CCDC171: variants seen among roughly 807,000 people sequenced by gnomAD.
The protein encoded by CCDC171 is coiled-coil domain containing 171.
CCDC171 carries 177 observed loss-of-function variants against 168.2 expected under a neutral mutation model. The observed-to-expected ratio is 1.05, with a 90% CI of 0.93 to 1.19. CCDC171 has a LOEUF of 1.19. Among genes scored for constraint, CCDC171 ranks in the 50% most tolerant of loss-of-function variants. The pLI, the probability that CCDC171 is intolerant of heterozygous loss-of-function variation, is 0.00. For synonymous variants in CCDC171, 687 were observed against 540.8 expected (o/e 1.27, Z -3.75); for missense variants, 1,991 against 1,539.0 (o/e 1.29, Z -4.91).
At chr9:15,677,229 T>G (rs1204347347) in intron 9 of CCDC171, among the ~76,000 whole-genome samples, 1 of 152,178 alleles carries the variant, frequency 6.6e-6, no homozygotes, top group Non-Finnish European at 1.5e-5. Flanking sequence ...CTACTTAGAC[T>G]CATTTTTATA....
Position 15,640,120 on chromosome 9 carries a change from A to T in CCDC171, c.822+16707A>T, listed in dbSNP as rs568710063. 2.0e-3 allele frequency among the ~76,000 whole-genome samples: 309 copies of T among 152,264 alleles called. 1 individual carries two copies. The highest frequency in any genetic ancestry group is 3.5e-3 in the Non-Finnish European group (235 of 67,992). On this transcript the variant is annotated intron_variant, in intron 7 of 25. Coordinates refer to ENST00000380701, the MANE Select transcript of CCDC171 (RefSeq NM_173550.4). Reference sequence around the variant, plus strand: ...GATCATCATGAAAAGTTATAAACCTATTCATTTGTTTTTAATAATCTTTTG... The same window carrying T: ...GATCATCATGAAAAGTTATAAACCTTTTCATTTGTTTTTAATAATCTTTTG...
chr9:15,711,255 T>G (rs2052641631), intron 11 of CCDC171, among the ~76,000 whole-genome samples: 1 of 152,228 alleles, frequency 6.6e-6, no homozygotes, highest in Admixed American at 6.5e-5. Flanking sequence ...ATTGAAGGCT[T>G]GATTAAGGCT....
chr9:16,028,999 G>T (rs952443301), intron 6 of CCDC171, among the ~76,000 whole-genome samples: 3 of 152,088 alleles, frequency 2.0e-5, no homozygotes, highest in Non-Finnish European at 4.4e-5. Context: ...CTGGTAAAAA[G>T]CCTTGAGCAT....
chr9:15,928,306 A>G (rs1281028222), intron 25 of CCDC171, among the ~76,000 whole-genome samples: 2 of 151,722 alleles, frequency 1.3e-5, no homozygotes, highest in African/African-American at 4.8e-5. Flanking sequence ...TGCCTGGGGA[A>G]TTGAAATCTC....
intron 24 of CCDC171, among the ~76,000 whole-genome samples, chr9:15,915,446 G>T (rs1824365000): frequency 6.6e-6 from 1 of 151,930 alleles, no homozygotes; most frequent in Non-Finnish European, 1.5e-5. Context: ...TGGAAATGCT[G>T]CTGATTTGTG....
chr9:15,807,376 T>C (rs972476192), intron 21 of CCDC171, among the ~76,000 whole-genome samples: 1 of 152,238 alleles, frequency 6.6e-6, no homozygotes, highest in Non-Finnish European at 1.5e-5. Context: ...GTGTTGCTTC[T>C]TTTATAGAGT....
Position 15,920,418 on chromosome 9 carries a change from A to G in CCDC171, c.3749A>G (p.Gln1250Arg), listed in dbSNP as rs776588785. The G allele has an allele frequency of 2.5e-5, 40 of 1,602,858 alleles. No homozygotes were observed. Among genetic ancestry groups the G allele is most frequent in the Non-Finnish European group, 3.4e-5 (40 of 1,172,812 alleles). Residue 1250 changes from glutamine to arginine, a missense_variant, in exon 25 of 26, where the codon CAA becomes CGA. Transcript: ENST00000380701. ...TGTTTACGTGAAAATGCAAGTTTACAATCAGTAAGTCCTTGTCTAACAATA... is the reference window on the plus strand; with the variant it reads ...TGTTTACGTGAAAATGCAAGTTTACGATCAGTAAGTCCTTGTCTAACAATA... ...TACLRENASL[Q>R]SIGSRDHSNL... is the part of the protein sequence containing the mutation.
the CCDC171 span, among the ~76,000 whole-genome samples, chr9:16,080,939 C>A: frequency 6.6e-6 from 1 of 152,114 alleles, no homozygotes; most frequent in Admixed American, 6.5e-5. Context: ...TTTTATAGTT[C>A]TCTAACAAGC....
intron 11 of CCDC171, among the ~76,000 whole-genome samples, chr9:15,712,866 C>T (rs534529637): frequency 6.6e-6 from 1 of 152,274 alleles, no homozygotes; most frequent in Non-Finnish European, 1.5e-5. Flanking sequence ...GCTGCTATGA[C>T]TCTTTTGTTC....
intron 18 of CCDC171, among the ~76,000 whole-genome samples, chr9:15,750,805 A>C (rs181374208): frequency 3.5e-4 from 53 of 152,274 alleles, no homozygotes; most frequent in African/African-American, 1.2e-3. Flanking sequence ...GTTTATGACA[A>C]ACCCACAGCC....
intron 10 of CCDC171, among the ~76,000 whole-genome samples, chr9:15,692,715 G>C (rs1009574574): frequency 2.0e-5 from 3 of 151,636 alleles, no homozygotes; most frequent in African/African-American, 7.2e-5. Flanking sequence ...ATTTAGTAGA[G>C]ACGGGGTTTC....
intron 21 of CCDC171, among the ~76,000 whole-genome samples, chr9:15,838,415 A>G (rs1049377338): frequency 1.3e-5 from 2 of 152,202 alleles, no homozygotes; most frequent in African/African-American, 4.8e-5. Flanking sequence ...TAGTTTATAT[A>G]TATGATTCCC....
intron 6 of CCDC171, among the ~76,000 whole-genome samples, chr9:16,026,936 G>C (rs2133034253): frequency 6.6e-6 from 1 of 152,300 alleles, no homozygotes; most frequent in Non-Finnish European, 1.5e-5. Flanking sequence ...AGTTTACTCA[G>C]TCTTTATAAT....
At chr9:15,580,036 A>G (rs1001038821) in intron 4 of CCDC171, among the ~76,000 whole-genome samples, 1 of 152,180 alleles carries the variant, frequency 6.6e-6, no homozygotes, top group Non-Finnish European at 1.5e-5. Flanking sequence ...AGACTAATGG[A>G]ACAGAACAGA....
chr9:16,075,887 G>A, the CCDC171 span, among the ~76,000 whole-genome samples: 3 of 152,208 alleles, frequency 2.0e-5, no homozygotes, highest in Admixed American at 2.0e-4. Context: ...GCATAGCATA[G>A]CATAGCATAG....
intron 3 of CCDC171, among the ~76,000 whole-genome samples, chr9:15,996,425 T>C (rs1376284454): frequency 6.7e-6 from 1 of 148,374 alleles, no homozygotes; most frequent in East Asian, 2.0e-4. Context: ...CTCTTTTTTT[T>C]TTTTTTTTTT....
At chr9:15,588,776 CG>C (rs1241728199) in intron 4 of CCDC171, among the ~76,000 whole-genome samples, 2 of 149,024 alleles carry the variant, frequency 1.3e-5, no homozygotes, top group East Asian at 3.9e-4. Context: ...GGCACGACCT[CG>C]GCTCACTGCA....
chr9:15,947,205 A>G (rs941885912), intron 25 of CCDC171, among the ~76,000 whole-genome samples: 2 of 152,022 alleles, frequency 1.3e-5, no homozygotes, highest in Non-Finnish European at 2.9e-5. Context: ...AGTTGCATAT[A>G]TATCATAGAA....
At chr9:15,610,481 A>AAAAAAAAAAAG (rs1564044335) in intron 6 of CCDC171, among the ~76,000 whole-genome samples, 7 of 136,810 alleles carry the variant, frequency 5.1e-5, no homozygotes, top group African/African-American at 1.9e-4. Flanking sequence ...AAAAAAAAAA[A>AAAAAAAAAAAG]CTGGGCGTGG....
Sources: gnomAD v4.1 joint callset for allele counts (sites outside exome capture counted in the v4.1 genomes callset) on GRCh38, gnomAD v4.1.1 for gene constraint, MANE v1.5 for transcripts, NCBI Gene and HGNC (gene_info 2026-07-23, HGNC 2026-07-21) for gene names.